AXL: variants seen among roughly 807,000 people sequenced by gnomAD.
AXL encodes tyrosine-protein kinase receptor UFO.
A neutral mutation model predicts 104.5 loss-of-function variants in AXL; 52 were observed. The ratio of observed to expected loss-of-function variants is 0.50; its 90% confidence interval spans 0.40 to 0.63. The LOEUF is 0.63. Ranked by LOEUF, AXL falls within the 20% of genes least tolerant of loss-of-function variation. AXL has a pLI of 0.00. For synonymous variants in AXL, 455 were observed against 473.7 expected (o/e 0.96, Z 0.51); for missense variants, 1,024 against 1,188.5 (o/e 0.86, Z 2.04).
chr19:41,242,265 C>G (rs1463722257), intron 10 of AXL, among the ~76,000 whole-genome samples: 1 of 151,484 alleles, frequency 6.6e-6, no homozygotes, highest in Admixed American at 6.6e-5. Context: ...AACCCTGAAC[C>G]CTCAGGTTAA....
intron 15 of AXL, 93 bp from the exon 16 acceptor site, chr19:41,252,753 G>A (rs2034386084): frequency 6.3e-7 from 1 of 1,581,338 alleles, no homozygotes; most frequent in South Asian, 1.2e-5. Context: ...AGATTGGATG[G>A]GTAGTGAGAA....
chr19:41,253,957 G>A lies in AXL; in HGVS notation c.2036+249G>A, dbSNP rs971795774. On this transcript the variant is annotated intron_variant, in intron 17 of 19. Transcript: ENST00000301178. Reference sequence around the variant, plus strand: ...AGAAGGTGGGCTCAGTGCACAGCATGAGGTGAGCAAAGGGGCTGAGGTGAC... The same window carrying A: ...AGAAGGTGGGCTCAGTGCACAGCATAAGGTGAGCAAAGGGGCTGAGGTGAC... 5.3e-5 allele frequency among the ~76,000 whole-genome samples: 8 copies of A among 152,120 alleles called. No individual in the cohort carries two copies. In the East Asian group the frequency reaches 1.4e-3, roughly 26 times the overall value.
At chr19:41,232,816 T>C (rs1346666096) in intron 6 of AXL, among the ~76,000 whole-genome samples, 2 of 152,030 alleles carry the variant, frequency 1.3e-5, no homozygotes, top group Non-Finnish European at 2.9e-5. Context: ...GTGTCCGCTG[T>C]GCACCGGGTC....
At chr19:41,253,746 C>A in intron 17 of AXL, 38 bp downstream of exon 17, 1 of 1,489,618 alleles carries the variant, frequency 6.7e-7, no homozygotes, top group South Asian at 1.2e-5. Flanking sequence ...CCCAACTGCT[C>A]CTGCACTCCC....
chr19:41,226,758 A>G (rs898462069), intron 4 of AXL: 12 of 985,740 alleles, frequency 1.2e-5, no homozygotes, highest in African/African-American at 5.2e-5. Flanking sequence ...ATGCACAAGC[A>G]CACGCGTAAA....
rs765030510 is a variant in AXL at position 41,231,778 on chromosome 19, T to A, written c.783+480T>A. On this transcript the variant is annotated intron_variant, in intron 6 of 19. Coordinates refer to ENST00000301178, the MANE Select transcript of AXL (RefSeq NM_021913.5). ...CACATTTCTACTAAAAATACAAAAA[T>A]TAACTGGGCCTGGTGGGACGCACTT... 3.3e-4 allele frequency among the ~76,000 whole-genome samples: 50 copies of A among 151,548 alleles called. 1 individual carries two copies. Among genetic ancestry groups the A allele is most frequent in the Admixed American group, 9.2e-4 (14 of 15,212 alleles).
chr19:41,259,771 C>G lies in AXL; in HGVS notation c.2552C>G (p.Ser851Cys). ...DPPTQPDPKD[S>C]CSCLTAAEVH... Reference sequence around the variant, plus strand: ...CCAACCCAGCCAGACCCTAAGGATTCCTGTAGCTGCCTCACTGCGGCTGAG... The same window carrying G: ...CCAACCCAGCCAGACCCTAAGGATTGCTGTAGCTGCCTCACTGCGGCTGAG... Residue 851 changes from serine (S) to cysteine (C), a missense_variant, in exon 20 of 20, where the codon TCC becomes TGC. Physicochemically the swap from Ser to Cys is moderately radical, Grantham distance 112 (BLOSUM62 -1). Around this residue, in one of 5 missense-constraint regions of AXL, gnomAD observed 523 missense variants for 636.0 expected, o/e 0.82. Transcript: ENST00000301178. 6.2e-7 allele frequency: 1 copy of G among 1,614,100 alleles called. No homozygotes were observed. Among genetic ancestry groups the G allele is most frequent in the Non-Finnish European group, 8.5e-7 (1 of 1,180,004 alleles).
chr19:41,230,133 G>A (rs1376759846), intron 4 of AXL, among the ~76,000 whole-genome samples: 8 of 131,070 alleles, frequency 6.1e-5, no homozygotes, highest in Non-Finnish European at 1.3e-4. Flanking sequence ...GACACAGTGT[G>A]TGTGTGTGGC....
At chr19:41,219,765 G>C (rs1285872870) in intron 1 of AXL, among the ~76,000 whole-genome samples, 1 of 151,396 alleles carries the variant, frequency 6.6e-6, no homozygotes, top group Non-Finnish European at 1.5e-5. Context: ...GGCTGGACCT[G>C]AGAAGGGGGC....
chr19:41,243,106 G>C, intron 11 of AXL, 91 bp downstream of exon 11: 2 of 1,567,764 alleles, frequency 1.3e-6, no homozygotes, highest in South Asian at 1.1e-5. Context: ...CAGGAGGAGT[G>C]ATGACTAAGA....
chr19:41,246,896 A>G (rs1477081369), intron 12 of AXL, among the ~76,000 whole-genome samples: 1 of 152,162 alleles, frequency 6.6e-6, no homozygotes, highest in East Asian at 1.9e-4. Context: ...TATATGTAAC[A>G]TAAACAAAAG....
rs2034405611 is a variant in AXL at position 41,253,718 on chromosome 19, T to C, written c.2036+10T>C. On this transcript the variant is annotated intron_variant, in intron 17 of 19. Transcript: ENST00000301178. ...CGGCCAGGAACTGCATGTGAGTGCC[T>C]TTCAGGGACCCCCCCCCCCCAACTG... 6.4e-7 allele frequency: 1 copy of C among 1,560,548 alleles called. No individual in the cohort carries two copies. Among genetic ancestry groups the C allele is most frequent in the African/African-American group, 1.5e-5 (1 of 68,124 alleles).
chr19:41,239,444 C>A, intron 9 of AXL, 130 bp downstream of exon 9: 1 of 1,349,126 alleles, frequency 7.4e-7, no homozygotes, highest in Non-Finnish European at 1.0e-6. Context: ...TGAGAGCTGC[C>A]CTCACTCCCT....
At chr19:41,220,957 T>C in intron 2 of AXL, 99 bp downstream of exon 2, 1 of 1,416,726 alleles carries the variant, frequency 7.1e-7, no homozygotes, top group Non-Finnish European at 9.7e-7. Flanking sequence ...TTGTCAGCCG[T>C]GCGGCTTTGA....
chr19:41,233,223 C>T (rs2034022728), intron 6 of AXL, among the ~76,000 whole-genome samples: 3 of 151,996 alleles, frequency 2.0e-5, no homozygotes, highest in Non-Finnish European at 4.4e-5. Context: ...CTCTTGACCT[C>T]AAGTGACCCG....
chr19:41,254,394 G>A (rs199568368), intron 17 of AXL, among the ~76,000 whole-genome samples: 47 of 136,432 alleles, frequency 3.4e-4, no homozygotes, highest in South Asian at 7.1e-4. Context: ...AAAAAAAAAA[G>A]AAAGAAAGAA....
chr19:41,252,908 A>G lies in AXL; in HGVS notation c.1867A>G (p.Met623Val), dbSNP rs2034388859. The G allele has an allele frequency of 1.2e-6, 2 of 1,610,420 alleles. No homozygotes were observed. The highest frequency in any genetic ancestry group is 4.5e-5 in the East Asian group (2 of 44,658). Residue 623 changes from methionine to valine, a missense_variant, in exon 16 of 20, where the codon ATG (methionine) becomes GTG (valine). This residue lies in a region of AXL where 523 missense variants were observed against 636.0 expected (regional missense o/e 0.82). Transcript: ENST00000301178. ...AGCACCTGTGGTCATCTTACCTTTCATGAAACATGGAGACCTACACAGCTT... is the reference window on the plus strand; with the variant it reads ...AGCACCTGTGGTCATCTTACCTTTCGTGAAACATGGAGACCTACACAGCTT... ...FPAPVVILPF[M>V]KHGDLHSFLL... is the part of the protein sequence containing the mutation.
At chr19:41,254,773 G>A (rs911308366) in intron 17 of AXL, among the ~76,000 whole-genome samples, 2 of 152,106 alleles carry the variant, frequency 1.3e-5, no homozygotes, top group Non-Finnish European at 2.9e-5. Flanking sequence ...AATTAGCTGG[G>A]CATGGTGGTG....
At chr19:41,237,344 G>A (rs79755890) in intron 6 of AXL, among the ~76,000 whole-genome samples, 11,350 of 152,234 alleles carry the variant, frequency 0.075, 960 homozygotes, top group African/African-American at 0.2. Context: ...CCAGGTTCAA[G>A]TGGTTCTCCT....
Sources: allele counts gnomAD v4.1 joint callset (sites outside exome capture counted in the v4.1 genomes callset), GRCh38; gene constraint gnomAD v4.1.1; regional missense constraint gnomAD v4.1.1; transcripts MANE v1.5; gene names NCBI Gene and HGNC (gene_info 2026-07-23, HGNC 2026-07-21).